The following CUX1 variants were observed in gnomAD, a reference collection of about 807,000 sequenced individuals.
CUX1 encodes protein CASP.
Under a neutral mutation model 158.8 loss-of-function variants are expected in CUX1, and 31 were observed. The observed-to-expected ratio is 0.20, with a 90% CI of 0.15 to 0.26. The LOEUF (loss-of-function observed/expected upper bound fraction) is 0.26. Ranked by LOEUF, CUX1 falls within the 10% of genes least tolerant of loss-of-function variation. The pLI, the probability that CUX1 is intolerant of heterozygous loss-of-function variation, is 1.00. For missense variants in CUX1, 1,589 were observed against 2,014.6 expected, an observed-to-expected ratio of 0.79 and a Z score of 4.04; for synonymous variants, 879 against 862.1, an observed-to-expected ratio of 1.02 and a Z score of -0.34.
At chr7:102,207,604 A>G (rs1295709922) in intron 20 of CUX1, among the ~76,000 whole-genome samples, 1 of 151,968 alleles carries the variant, frequency 6.6e-6, no homozygotes, top group Non-Finnish European at 1.5e-5. Flanking sequence ...GGTACCCATC[A>G]CCACGCCCGG....
At chr7:102,132,775 G>A (rs1482118239) in intron 8 of CUX1, among the ~76,000 whole-genome samples, 7 of 145,006 alleles carry the variant, frequency 4.8e-5, no homozygotes, top group Non-Finnish European at 6.0e-5. Context: ...AGGTTCAAGC[G>A]ATTCTCCTGC....
chr7:101,949,829 G>T (rs1179862902), intron 2 of CUX1, among the ~76,000 whole-genome samples: 2 of 151,862 alleles, frequency 1.3e-5, no homozygotes, highest in Non-Finnish European at 2.9e-5. Flanking sequence ...ACCACGCCTA[G>T]CGAGTGCTTG....
chr7:102,170,101 T>C (rs1791542867), intron 9 of CUX1, among the ~76,000 whole-genome samples: 1 of 152,180 alleles, frequency 6.6e-6, no homozygotes, highest in East Asian at 1.9e-4. Context: ...CGCAATAAAA[T>C]CTTCTTGGTC....
chr7:101,956,000 G>A (rs986827848), intron 2 of CUX1, among the ~76,000 whole-genome samples: 14 of 152,150 alleles, frequency 9.2e-5, no homozygotes, highest in African/African-American at 2.9e-4. Context: ...GGCTAACACG[G>A]TGAAACCCCG....
intron 1 of CUX1, among the ~76,000 whole-genome samples, chr7:101,896,681 A>G (rs1801554198): frequency 6.6e-6 from 1 of 152,254 alleles, no homozygotes; most frequent in African/African-American, 2.4e-5. Flanking sequence ...CTGAAACTTG[A>G]TGAATTCTCA....
intron 1 of CUX1, among the ~76,000 whole-genome samples, chr7:101,886,738 G>A (rs1936405299): frequency 6.6e-6 from 1 of 152,170 alleles, no homozygotes; most frequent in African/African-American, 2.4e-5. Flanking sequence ...CCCAGAGCAG[G>A]GACCGCAGGC....
intron 2 of CUX1, among the ~76,000 whole-genome samples, chr7:101,940,760 G>A (rs1267459253): frequency 2.0e-5 from 3 of 152,032 alleles, no homozygotes; most frequent in Admixed American, 6.6e-5. Flanking sequence ...CTGTTGCTTG[G>A]CTGATTGATT....
At chr7:101,889,969 G>T (rs1202699907) in intron 1 of CUX1, among the ~76,000 whole-genome samples, 1 of 152,200 alleles carries the variant, frequency 6.6e-6, no homozygotes, top group East Asian at 1.9e-4. Flanking sequence ...TCACTACGGG[G>T]TACCAGGGTC....
chr7:101,963,344 T>C (rs1335389096), intron 2 of CUX1, among the ~76,000 whole-genome samples: 2 of 152,196 alleles, frequency 1.3e-5, no homozygotes, highest in African/African-American at 2.4e-5. Context: ...CTGTATTCCA[T>C]GCGCGACCAC....
intron 1 of CUX1, among the ~76,000 whole-genome samples, chr7:101,895,902 G>GTTTTTTTT (rs1193952295): frequency 9.9e-5 from 4 of 40,440 alleles, no homozygotes; most frequent in African/African-American, 2.5e-4. Context: ...TTTTTTTTTT[G>GTTTTTTTT]TTTTTGTTTT....
chr7:102,075,948 G>A (rs568075590), intron 4 of CUX1, among the ~76,000 whole-genome samples: 5 of 152,200 alleles, frequency 3.3e-5, no homozygotes, highest in South Asian at 2.1e-4. Flanking sequence ...ACGTCCCGCC[G>A]GCGCCCCAAG....
At chr7:101,890,264 C>T (rs191985135) in intron 1 of CUX1, among the ~76,000 whole-genome samples, 62 of 152,224 alleles carry the variant, frequency 4.1e-4, no homozygotes, top group African/African-American at 1.3e-3. Flanking sequence ...TCTTTTGGTT[C>T]ACAGCAGTGT....
chr7:102,007,383 C>T (rs1817510591), intron 2 of CUX1, among the ~76,000 whole-genome samples: 1 of 152,022 alleles, frequency 6.6e-6, no homozygotes, highest in South Asian at 2.1e-4. Flanking sequence ...TGTTCTCTTC[C>T]CCTCTCCTGT....
At chr7:102,094,446 A>G (rs1828971453) in intron 4 of CUX1, among the ~76,000 whole-genome samples, 1 of 152,220 alleles carries the variant, frequency 6.6e-6, no homozygotes, top group Admixed American at 6.5e-5. Context: ...GGCTCTGAAA[A>G]TTGGTGTAAA....
chr7:102,205,007 T>A, intron 19 of CUX1, 107 bp from the exon 20 acceptor site: 2 of 668,164 alleles, frequency 3.0e-6, no homozygotes, highest in Non-Finnish European at 2.5e-6. Flanking sequence ...TGCCCGCCCC[T>A]CCCCAGGAGG....
At chr7:102,209,363 G>A (rs145996527) in intron 20 of CUX1, among the ~76,000 whole-genome samples, 114 of 152,294 alleles carry the variant, frequency 7.5e-4, no homozygotes, top group South Asian at 5.4e-3. Context: ...AAGGAAATTT[G>A]ATGCCATTTT....
chr7:101,956,925 G>T (rs1344223353), intron 2 of CUX1, among the ~76,000 whole-genome samples: 1 of 152,150 alleles, frequency 6.6e-6, no homozygotes, highest in Non-Finnish European at 1.5e-5. Flanking sequence ...TTCCAGCCTA[G>T]GTGACACAGT....
At chr7:102,224,076 A>C (rs1363676711) in intron 20 of CUX1, among the ~76,000 whole-genome samples, 5 of 152,252 alleles carry the variant, frequency 3.3e-5, no homozygotes, top group African/African-American at 1.2e-4. Flanking sequence ...ATGCCTGTGC[A>C]AAAAACATGT....
At chr7:102,058,802 G>A (rs1563187483) in intron 3 of CUX1, among the ~76,000 whole-genome samples, 3 of 152,098 alleles carry the variant, frequency 2.0e-5, no homozygotes, top group Admixed American at 6.6e-5. Flanking sequence ...CTCCCCCACC[G>A]GGATTTACCC....
Sources: allele counts gnomAD v4.1 joint callset (sites outside exome capture counted in the v4.1 genomes callset), GRCh38; gene constraint gnomAD v4.1.1; transcripts MANE v1.5; gene names NCBI Gene and HGNC (gene_info 2026-07-23, HGNC 2026-07-21).